KAT6B: variants seen among roughly 807,000 people sequenced by gnomAD.
The protein encoded by KAT6B is histone acetyltransferase KAT6B.
Under a neutral mutation model 187.5 loss-of-function variants are expected in KAT6B, and 10 were observed. That is an observed-to-expected ratio of 0.05 (90% confidence interval 0.03 to 0.09). The LOEUF is 0.09. KAT6B is among the 10% of genes least tolerant of loss of function. KAT6B has a pLI of 1.00. For missense variants in KAT6B, 1,952 were observed against 2,558.9 expected, an observed-to-expected ratio of 0.76 and a Z score of 5.12; for synonymous variants, 861 against 926.8, an observed-to-expected ratio of 0.93 and a Z score of 1.29.
intron 3 of KAT6B, among the ~76,000 whole-genome samples, chr10:74,862,369 T>G (rs1033494339): frequency 6.6e-6 from 1 of 152,096 alleles, no homozygotes; most frequent in Non-Finnish European, 1.5e-5. Flanking sequence ...CTCCTCTCCT[T>G]CAGCAGGTCA....
chr10:74,941,087 C>T (rs1054607625), intron 3 of KAT6B, among the ~76,000 whole-genome samples: 1 of 152,130 alleles, frequency 6.6e-6, no homozygotes, highest in African/African-American at 2.4e-5. Flanking sequence ...AGATTCTTCG[C>T]ACCTGGTTAA....
chr10:74,863,201 T>C (rs1018272746), intron 3 of KAT6B, among the ~76,000 whole-genome samples: 1 of 152,236 alleles, frequency 6.6e-6, no homozygotes, highest in African/African-American at 2.4e-5. Context: ...TTTTCCTTTT[T>C]TCCTACATGT....
In KAT6B at chr10:74,981,778, CT is replaced by C; in HGVS notation, c.2232-6del. 1 of 1,494,014 alleles carries C rather than the reference CT, an allele frequency of 6.7e-7. No individual in the cohort carries two copies. Among genetic ancestry groups the C allele is most frequent in the Admixed American group, 1.7e-5 (1 of 59,818 alleles). The allele number at this position is 1,494,014 out of a possible 1,614,324, so 92.5% of individuals were successfully genotyped here. On this transcript the variant is annotated splice_polypyrimidine_tract_variant and splice_region_variant and intron_variant, in intron 10 of 17. Transcript: ENST00000287239. ...TCTGATAGATTCTATGATTTTTAAA[CT>C]TTAACAGATTACCAAAGCTTTACCT...
At chr10:74,944,707 G>A (rs1471924012) in intron 3 of KAT6B, among the ~76,000 whole-genome samples, 1 of 150,786 alleles carries the variant, frequency 6.6e-6, no homozygotes, top group Non-Finnish European at 1.5e-5. Flanking sequence ...TACTCGGGAA[G>A]CTGAGGCAGG....
intron 3 of KAT6B, among the ~76,000 whole-genome samples, chr10:74,852,098 G>T (rs1842517870): frequency 2.6e-5 from 4 of 152,122 alleles, no homozygotes. Context: ...GGCAACTCTG[G>T]ATCTTTTTTG....
In KAT6B at chr10:75,001,493, G is replaced by A. The variant is rs143070971; in HGVS notation, c.2629+12381G>A. On this transcript the variant is annotated intron_variant, in intron 13 of 17. Transcript: ENST00000287239. ...CTAATCATATCCACTCTCTCAGAGA[G>A]AAAGCTGCTTCTTCCCAGAATCTTA... Among the ~76,000 whole-genome samples the A allele has an allele frequency of 2.5e-3, 388 of 152,258 alleles. 2 individuals carry two copies. The highest frequency in any genetic ancestry group is 3.8e-3 in the Non-Finnish European group (258 of 68,028).
Position 75,029,582 on chromosome 10 carries a change from C to G in KAT6B, c.4758C>G (p.Thr1586=), listed in dbSNP as rs149654793. The change falls in exon 18 of 18, where the codon ACC becomes ACG. Residue 1586 remains threonine (T), a synonymous_variant. Coordinates refer to ENST00000287239, the MANE Select transcript of KAT6B (RefSeq NM_012330.4). The surrounding 1 kb of genome is among the most constrained non-coding windows in gnomAD (Gnocchi z 6.2). Reference sequence around the variant, plus strand: ...CAGACCAAAGTCCACAGATTGCCACCACGCTCGACGATTGCCAACAGTCGG... The same window carrying G: ...CAGACCAAAGTCCACAGATTGCCACGACGCTCGACGATTGCCAACAGTCGG... ...TRADQSPQIA[T]TLDDCQQSDH... is the part of the protein sequence containing the mutation. 6.8e-6 allele frequency: 11 copies of G among 1,614,006 alleles called. No individual in the cohort carries two copies. In the African/African-American group the frequency reaches 1.5e-4, roughly 22 times the overall value.
chr10:74,973,686 T>A lies in KAT6B; in HGVS notation c.1061+1047T>A, dbSNP rs143153115. On this transcript the variant is annotated intron_variant, in intron 7 of 17. Transcript: ENST00000287239. ...ATGCAGGCTCCTTTCTAGAGTTTTC[T>A]ATGAAACTTTGCAAAAACCCTTTAA... Among the ~76,000 whole-genome samples the A allele has an allele frequency of 7.2e-5, 11 of 152,356 alleles. No homozygotes were observed. In the East Asian group the frequency reaches 1.4e-3, roughly 19 times the overall value.
intron 3 of KAT6B, among the ~76,000 whole-genome samples, chr10:74,930,359 T>TA (rs1273468897): frequency 6.6e-6 from 1 of 152,242 alleles, no homozygotes; most frequent in Non-Finnish European, 1.5e-5. Flanking sequence ...CCAATGCAAA[T>TA]ATCTGTTTAA....
At chr10:75,015,418 C>G (rs1277388241) in intron 13 of KAT6B, among the ~76,000 whole-genome samples, 1 of 152,224 alleles carries the variant, frequency 6.6e-6, no homozygotes, top group Non-Finnish European at 1.5e-5. Flanking sequence ...CAGCATCCTT[C>G]TGCACTAATT....
intron 6 of KAT6B, among the ~76,000 whole-genome samples, chr10:74,970,356 C>A (rs979064880): frequency 2.0e-5 from 3 of 151,312 alleles, no homozygotes; most frequent in Admixed American, 6.6e-5. Flanking sequence ...ATGAAAAGAC[C>A]ATCTCTCTCT....
intron 3 of KAT6B, among the ~76,000 whole-genome samples, chr10:74,846,357 A>G (rs1327619414): frequency 1.3e-5 from 2 of 152,196 alleles, no homozygotes; most frequent in Non-Finnish European, 2.9e-5. Context: ...AAGCCACTTA[A>G]ATCCTAATTC....
intron 6 of KAT6B, among the ~76,000 whole-genome samples, chr10:74,972,132 T>C (rs887508790): frequency 6.8e-6 from 1 of 146,468 alleles, no homozygotes; most frequent in Non-Finnish European, 1.6e-5. Flanking sequence ...GATAAGACAA[T>C]TTTTTTTTCT....
Position 75,022,084 on chromosome 10 carries a change from GGAGGACGAGGAGGAGGAAGAA to G in KAT6B, c.3231_3251del (p.Asp1077_Glu1083del). The G allele has an allele frequency of 6.2e-7, 1 of 1,604,284 alleles. No homozygotes were observed. On this transcript the variant is annotated inframe_deletion, in exon 16 of 18. Transcript: ENST00000287239. ...AGAGCAGTGAAGAAGAAGAGGAGGA[GGAGGACGAGGAGGAGGAAGAA>G]GAGGAGGAAGAAGAGGAAGAGGATG... is the stretch of plus-strand genomic sequence containing the variant.
rs1179307644 is a variant in KAT6B at position 74,976,125 on chromosome 10, G to A, written c.1788G>A (p.Arg596=). The A allele has an allele frequency of 6.2e-7, 1 of 1,614,086 alleles. No individual in the cohort carries two copies. The highest frequency in any genetic ancestry group is 1.7e-5 in the Admixed American group (1 of 59,996). Residue 596 remains arginine, a synonymous_variant, in exon 8 of 18, where the codon CGG becomes CGA. Transcript: ENST00000287239. The stretch of plus-strand genomic sequence containing the variant: ...TTGGCAAAAGAGATATTAGAAGTCG[G>A]TTTATTTCTCACTCCTCCTCCTCTA... ...HFFGKRDIRS[R]FISHSSSSSW... is the part of the protein sequence containing the mutation.
At chr10:74,988,881 G>A (rs1842964694) in intron 12 of KAT6B, 138 bp from the exon 13 acceptor site, 1 of 725,550 alleles carries the variant, frequency 1.4e-6, no homozygotes, top group South Asian at 1.4e-5. Context: ...GATTAATATA[G>A]TAGGATTTTT....
At chr10:74,982,233 C>A (rs1262947310) in intron 11 of KAT6B, 2 of 347,934 alleles carry the variant, frequency 5.7e-6, no homozygotes, top group Non-Finnish European at 1.1e-5. Context: ...ATTCTACTTT[C>A]TTTGGCAGGA....
chr10:74,971,469 A>G (rs1285997764), intron 6 of KAT6B, among the ~76,000 whole-genome samples: 3 of 152,146 alleles, frequency 2.0e-5, no homozygotes, highest in African/African-American at 7.2e-5. Context: ...TGATTAGAGT[A>G]TTATTATTTT....
At chr10:75,001,650 G>C (rs556035291) in intron 13 of KAT6B, among the ~76,000 whole-genome samples, 1 of 152,176 alleles carries the variant, frequency 6.6e-6, no homozygotes, top group Admixed American at 6.5e-5. Context: ...GTTTAAAAGA[G>C]CTTCCACTTA....
Sources: gnomAD v4.1 joint callset for allele counts (sites outside exome capture counted in the v4.1 genomes callset) on GRCh38, gnomAD v4.1.1 for gene constraint, Gnocchi (gnomAD v3.1) non-coding constraint, MANE v1.5 for transcripts, NCBI Gene and HGNC (gene_info 2026-07-23, HGNC 2026-07-21) for gene names.